PLCB1: variants seen among roughly 807,000 people sequenced by gnomAD.
PLCB1 encodes 1-phosphatidylinositol 4,5-bisphosphate phosphodiesterase beta-1.
A neutral mutation model predicts 161.8 loss-of-function variants in PLCB1; 46 were observed. The ratio of observed to expected loss-of-function variants is 0.28; its 90% CI spans 0.22 to 0.36. The LOEUF (loss-of-function observed/expected upper bound fraction) is 0.36. Among genes scored for constraint, PLCB1 ranks in the 10% least tolerant of loss-of-function variants. PLCB1 has a pLI of 1.00. For missense variants in PLCB1, 1,016 were observed against 1,472.5 expected, an observed-to-expected ratio of 0.69 and a Z score of 5.07; for synonymous variants, 517 against 503.7, an observed-to-expected ratio of 1.03 and a Z score of -0.35.
intron 4 of PLCB1, among the ~76,000 whole-genome samples, chr20:8,632,685 C>T (rs1988636557): frequency 6.6e-6 from 1 of 152,094 alleles, no homozygotes; most frequent in Admixed American, 6.5e-5. Flanking sequence ...TCTGGAGAGA[C>T]AGCACTGCGC....
At chr20:8,409,302 T>C (rs1381544873) in intron 3 of PLCB1, among the ~76,000 whole-genome samples, 1 of 152,194 alleles carries the variant, frequency 6.6e-6, no homozygotes, top group African/African-American at 2.4e-5. Context: ...CTTGCTATGC[T>C]ACAAGCCTTT....
intron 2 of PLCB1, among the ~76,000 whole-genome samples, chr20:8,202,082 G>T (rs748658050): frequency 1.3e-5 from 2 of 152,106 alleles, no homozygotes; most frequent in Non-Finnish European, 2.9e-5. Context: ...TGTGTATTTT[G>T]TTGTTGTTGT....
chr20:8,245,907 A>G (rs1032194033), intron 2 of PLCB1, among the ~76,000 whole-genome samples: 2 of 151,916 alleles, frequency 1.3e-5, no homozygotes, highest in African/African-American at 4.8e-5. Context: ...GGGAATTAAG[A>G]AAAAATTGAA....
intron 2 of PLCB1, among the ~76,000 whole-genome samples, chr20:8,253,523 A>G (rs1477065719): frequency 6.6e-6 from 1 of 152,030 alleles, no homozygotes; most frequent in Non-Finnish European, 1.5e-5. Context: ...CTGGGGCTAA[A>G]TGCATTTCTG....
intron 3 of PLCB1, among the ~76,000 whole-genome samples, chr20:8,603,375 C>T (rs4599188): frequency 2.0e-4 from 30 of 152,310 alleles, no homozygotes; most frequent in Admixed American, 1.6e-3. Flanking sequence ...AACATTTGCA[C>T]TTTGCCTAAA....
chr20:8,693,814 A>T (rs1990530831), intron 10 of PLCB1, among the ~76,000 whole-genome samples: 1 of 152,210 alleles, frequency 6.6e-6, no homozygotes, highest in African/African-American at 2.4e-5. Flanking sequence ...AAGGGAATGT[A>T]ACCAGCCACC....
At chr20:8,529,929 A>G (rs1387632647) in intron 3 of PLCB1, among the ~76,000 whole-genome samples, 1 of 152,092 alleles carries the variant, frequency 6.6e-6, no homozygotes. Flanking sequence ...CAGCCTAGCT[A>G]TGTATAATTA....
intron 3 of PLCB1, among the ~76,000 whole-genome samples, chr20:8,571,558 A>G (rs571762929): frequency 3.9e-5 from 6 of 152,294 alleles, no homozygotes; most frequent in South Asian, 2.1e-4. Flanking sequence ...AGACAACAGG[A>G]AATTCAGGCC....
intron 15 of PLCB1, 152 bp from the exon 16 acceptor site, chr20:8,724,504 C>G (rs1979827937): frequency 1.6e-6 from 1 of 622,712 alleles, no homozygotes; most frequent in South Asian, 1.9e-5. Context: ...GTTGCTGTTG[C>G]CTTTCTCCTG....
At chr20:8,318,708 C>T (rs77674540) in intron 2 of PLCB1, among the ~76,000 whole-genome samples, 4 of 151,664 alleles carry the variant, frequency 2.6e-5, no homozygotes, top group African/African-American at 9.7e-5. Context: ...GGTTGTGTGA[C>T]AATATTATGT....
chr20:8,701,273 C>T (rs1214778235), intron 11 of PLCB1, among the ~76,000 whole-genome samples: 1 of 152,214 alleles, frequency 6.6e-6, no homozygotes, highest in Non-Finnish European at 1.5e-5. Flanking sequence ...CCCTCATCCA[C>T]TGGGCTCCAA....
intron 31 of PLCB1, among the ~76,000 whole-genome samples, chr20:8,853,751 C>T (rs1986968593): frequency 1.3e-5 from 2 of 152,340 alleles, no homozygotes; most frequent in South Asian, 4.1e-4. Flanking sequence ...GAAAGATTCT[C>T]TTACTTTTGT....
intron 12 of PLCB1, among the ~76,000 whole-genome samples, chr20:8,713,774 CAG>C (rs1414768591): frequency 2.0e-5 from 3 of 152,164 alleles, no homozygotes; most frequent in African/African-American, 7.2e-5. Context: ...CTACATGAAT[CAG>C]GGGACTGTGG....
chr20:8,631,887 C>T (rs567410202), intron 4 of PLCB1, among the ~76,000 whole-genome samples: 1 of 152,076 alleles, frequency 6.6e-6, no homozygotes, highest in African/African-American at 2.4e-5. Flanking sequence ...ATAAGGGAGA[C>T]AAATCATGCC....
chr20:8,843,995 G>C (rs1986601174), intron 31 of PLCB1, among the ~76,000 whole-genome samples: 1 of 152,172 alleles, frequency 6.6e-6, no homozygotes, highest in Non-Finnish European at 1.5e-5. Context: ...CTTTCTGATG[G>C]ATGCTTAATT....
Position 8,757,183 on chromosome 20 carries a change from G to A in PLCB1, c.2656+5G>A, listed in dbSNP as rs1206312468. On this transcript the variant is annotated splice_donor_5th_base_variant and intron_variant, in intron 24 of 31. Transcript: ENST00000338037. The stretch of plus-strand genomic sequence containing the variant: ...TCCACAGCCAGCCAGCTCCAGGTAA[G>A]CCATCTGGAAAGAGCTGGACAACAT... 3 of 1,607,284 alleles carry A rather than the reference G, an allele frequency of 1.9e-6. No homozygotes were observed. Among genetic ancestry groups the A allele is most frequent in the Admixed American group, 3.4e-5 (2 of 58,344 alleles).
intron 2 of PLCB1, among the ~76,000 whole-genome samples, chr20:8,223,216 G>A (rs1206755099): frequency 6.6e-6 from 1 of 152,140 alleles, no homozygotes; most frequent in African/African-American, 2.4e-5. Flanking sequence ...CCCTTTCAGG[G>A]AATTTGTGCT....
chr20:8,354,180 T>C (rs1284101152), intron 2 of PLCB1, among the ~76,000 whole-genome samples: 1 of 152,066 alleles, frequency 6.6e-6, no homozygotes, highest in Non-Finnish European at 1.5e-5. Flanking sequence ...TACACAACAA[T>C]GTGAATGTAC....
chr20:8,767,613 T>C (rs992150061), intron 26 of PLCB1, among the ~76,000 whole-genome samples: 19 of 152,012 alleles, frequency 1.2e-4, no homozygotes, highest in Admixed American at 1.0e-3. Context: ...GATTTCAGAG[T>C]GTCACCCGCT....
Sources: gnomAD v4.1 joint callset for allele counts (sites outside exome capture counted in the v4.1 genomes callset) on GRCh38, gnomAD v4.1.1 for gene constraint, MANE v1.5 for transcripts, NCBI Gene and HGNC (gene_info 2026-07-23, HGNC 2026-07-21) for gene names.